The following CSMD1 variants were observed in gnomAD, a reference collection of about 807,000 sequenced individuals.
The protein encoded by CSMD1 is CUB and Sushi multiple domains 1.
Under a neutral mutation model 417.5 loss-of-function variants are expected in CSMD1, and 213 were observed. The ratio of observed to expected loss-of-function variants is 0.51; its 90% CI spans 0.46 to 0.57. The LOEUF is 0.57. CSMD1 is among the 20% of genes least tolerant of loss of function. The pLI is 0.00. For missense variants in CSMD1, 6,923 were observed against 4,529.7 expected, an observed-to-expected ratio of 1.53 and a Z score of -15.17; for synonymous variants, 2,862 against 1,736.8, an observed-to-expected ratio of 1.65 and a Z score of -16.11.
chr8:4,321,132 G>T (rs1415385923), intron 3 of CSMD1, among the ~76,000 whole-genome samples: 1 of 152,112 alleles, frequency 6.6e-6, no homozygotes, highest in East Asian at 1.9e-4. Context: ...TCAAAGGCAG[G>T]AAGAGTGTCA....
chr8:4,093,172 C>T (rs1385274597), intron 3 of CSMD1, among the ~76,000 whole-genome samples: 1 of 152,016 alleles, frequency 6.6e-6, no homozygotes, highest in Non-Finnish European at 1.5e-5. Flanking sequence ...TTTACAGTAA[C>T]AAGTAAACAG....
chr8:3,070,138 C>T (rs1244741830), intron 49 of CSMD1, among the ~76,000 whole-genome samples: 1 of 152,206 alleles, frequency 6.6e-6, no homozygotes, highest in Non-Finnish European at 1.5e-5. Flanking sequence ...ATCTTCTCCT[C>T]CCAGGATTCT....
At chr8:2,963,753 G>A (rs1023257818) in intron 59 of CSMD1, among the ~76,000 whole-genome samples, 8 of 152,114 alleles carry the variant, frequency 5.3e-5, no homozygotes, top group Non-Finnish European at 5.9e-5. Context: ...TTGGTCAGAT[G>A]ACACAAATTT....
chr8:4,163,159 G>C (rs1038244203), intron 3 of CSMD1, among the ~76,000 whole-genome samples: 2 of 152,176 alleles, frequency 1.3e-5, no homozygotes, highest in Non-Finnish European at 2.9e-5. Flanking sequence ...GTTGCTTCCA[G>C]ATTTTGGCAA....
At chr8:3,577,622 G>C (rs1268305312) in intron 9 of CSMD1, among the ~76,000 whole-genome samples, 1 of 152,090 alleles carries the variant, frequency 6.6e-6, no homozygotes, top group Admixed American at 6.6e-5. Context: ...ATAAATATTA[G>C]CATAGCTTCT....
intron 1 of CSMD1, among the ~76,000 whole-genome samples, chr8:4,949,399 G>A (rs1808584745): frequency 6.6e-6 from 1 of 152,120 alleles, no homozygotes; most frequent in African/African-American, 2.4e-5. Flanking sequence ...CCTTCAACAT[G>A]TGGTGAAACT....
chr8:3,233,997 G>C (rs1442406), intron 26 of CSMD1, among the ~76,000 whole-genome samples: 113,243 of 152,108 alleles, frequency 0.74, 42,678 homozygotes, highest in South Asian at 0.81. Context: ...CGATGTCTGT[G>C]TATTCTCCCC....
chr8:4,668,111 C>T (rs1289426895), intron 1 of CSMD1, among the ~76,000 whole-genome samples: 1 of 152,106 alleles, frequency 6.6e-6, no homozygotes, highest in African/African-American at 2.4e-5. Flanking sequence ...TAGCTTTTAG[C>T]AGATATTGCC....
intron 23 of CSMD1, among the ~76,000 whole-genome samples, chr8:3,330,355 T>C (rs1407266097): frequency 1.3e-5 from 2 of 152,140 alleles, no homozygotes; most frequent in African/African-American, 2.4e-5. Flanking sequence ...TAAGTGCCCA[T>C]CAGCGAGAGA....
At chr8:4,360,668 G>C (rs975904837) in intron 3 of CSMD1, among the ~76,000 whole-genome samples, 5 of 151,220 alleles carry the variant, frequency 3.3e-5, no homozygotes, top group Non-Finnish European at 4.4e-5. Flanking sequence ...TTTTTTTTTT[G>C]TTTTTTAGTG....
chr8:3,611,115 G>A (rs1227121394), intron 8 of CSMD1, among the ~76,000 whole-genome samples: 2 of 150,252 alleles, frequency 1.3e-5, no homozygotes, highest in African/African-American at 2.4e-5. Context: ...ATAGCATCGG[G>A]AGATATACCT....
At position 4,148,931 on chromosome 8, in the gene CSMD1, C is replaced by A. The variant is rs528842418; in HGVS notation, c.416-116832G>T. On this transcript the variant is annotated intron_variant, in intron 3 of 69. Coordinates refer to ENST00000635120, the MANE Select transcript of CSMD1 (RefSeq NM_033225.6). ...ACCATCATCTGCACTTTTCAGACTA[C>A]CTAACTTCACCTGTAATTAAACATT... Among the ~76,000 whole-genome samples, 24 of 151,986 alleles carry A rather than the reference C, an allele frequency of 1.6e-4. No individual in the cohort carries two copies. The South Asian group carries it at 5.0e-3, about 32-fold the overall frequency.
At chr8:3,467,806 C>A (rs1440786179) in intron 12 of CSMD1, among the ~76,000 whole-genome samples, 1 of 152,182 alleles carries the variant, frequency 6.6e-6, no homozygotes, top group Non-Finnish European at 1.5e-5. Context: ...TTTTTATTAT[C>A]TCCTTCATTG....
At chr8:4,214,190 T>C (rs758376913) in intron 3 of CSMD1, among the ~76,000 whole-genome samples, 3 of 152,236 alleles carry the variant, frequency 2.0e-5, no homozygotes, top group Non-Finnish European at 4.4e-5. Flanking sequence ...TTACATAGGA[T>C]ACGGCTCAAT....
At chr8:3,940,495 CTCTGTGTG>C (rs1437679018) in intron 5 of CSMD1, among the ~76,000 whole-genome samples, 1 of 91,590 alleles carries the variant, frequency 1.1e-5, no homozygotes. Context: ...AAATTATTTC[CTCTGTGTG>C]TGTGTGTGTG....
intron 1 of CSMD1, among the ~76,000 whole-genome samples, chr8:4,900,246 C>T (rs1023713285): frequency 4.6e-5 from 7 of 152,202 alleles, no homozygotes; most frequent in African/African-American, 9.6e-5. Flanking sequence ...TCGAGCTTCA[C>T]CTGCCAGTGT....
At chr8:4,606,403 T>A (rs1383796920) in intron 2 of CSMD1, among the ~76,000 whole-genome samples, 3 of 152,162 alleles carry the variant, frequency 2.0e-5, no homozygotes, top group Non-Finnish European at 4.4e-5. Flanking sequence ...GGCTTCTTGC[T>A]TGTTCCTGGC....
At chr8:3,457,315 C>T (rs773084683) in intron 12 of CSMD1, among the ~76,000 whole-genome samples, 6 of 152,176 alleles carry the variant, frequency 3.9e-5, no homozygotes, top group Non-Finnish European at 8.8e-5. Flanking sequence ...TGACCTTCAG[C>T]TCACATCACA....
chr8:3,050,034 C>T (rs1811714782), intron 50 of CSMD1, among the ~76,000 whole-genome samples: 2 of 150,314 alleles, frequency 1.3e-5, no homozygotes. Context: ...AGATAGTATA[C>T]AAATTTAAAG....
Sources: gnomAD v4.1 joint callset for allele counts (sites outside exome capture counted in the v4.1 genomes callset) on GRCh38, gnomAD v4.1.1 for gene constraint, MANE v1.5 for transcripts, NCBI Gene and HGNC (gene_info 2026-07-23, HGNC 2026-07-21) for gene names.